ANKMY1: variants seen among roughly 807,000 people sequenced by gnomAD.
ANKMY1 encodes the protein ankyrin repeat and MYND domain-containing protein 1.
A neutral mutation model predicts 102.0 loss-of-function variants in ANKMY1; 98 were observed. That is an observed-to-expected ratio of 0.96 (90% CI 0.82 to 1.14). ANKMY1 has a LOEUF of 1.14. Ranked by LOEUF, ANKMY1 falls within the 50% of genes most tolerant of loss-of-function variation. The pLI is 0.00. For synonymous variants in ANKMY1, 582 were observed against 559.9 expected, an observed-to-expected ratio of 1.04 and a Z score of -0.56; for missense variants, 1,330 against 1,347.6, an observed-to-expected ratio of 0.99 and a Z score of 0.20.
chr2:240,472,319 C>T, the ANKMY1 span, among the ~76,000 whole-genome samples: 1 of 152,166 alleles, frequency 6.6e-6, no homozygotes, highest in Non-Finnish European at 1.5e-5. Flanking sequence ...TGAAGGAGCC[C>T]TGTGACCCAG....
chr2:240,483,035 C>G (rs996299048), intron 15 of ANKMY1, among the ~76,000 whole-genome samples: 6 of 152,134 alleles, frequency 3.9e-5, no homozygotes, highest in Admixed American at 3.3e-4. Flanking sequence ...CATAAAATGT[C>G]CCTCTTTCTC....
chr2:240,473,855 G>A, the ANKMY1 span, among the ~76,000 whole-genome samples: 1 of 151,938 alleles, frequency 6.6e-6, no homozygotes, highest in Non-Finnish European at 1.5e-5. Context: ...AGATACAGAA[G>A]GAATATACCT....
Position 240,526,356 on chromosome 2 carries a change from A to G in ANKMY1, c.1043T>C (p.Leu348Pro). The change falls in exon 6 of 18, where the codon CTT (leucine) becomes CCT (proline). Residue 348 changes from leucine to proline, a missense_variant. Coordinates refer to ENST00000401804, the MANE Select transcript of ANKMY1 (RefSeq NM_001282771.3). Reference sequence around the variant, plus strand: ...AGCCTTTAGGATCATCTCCATGGAAAGTTGCTCTTTGGGCCCACAGGGTGC... The same window carrying G: ...AGCCTTTAGGATCATCTCCATGGAAGGTTGCTCTTTGGGCCCACAGGGTGC... ...GFAPCGPKEQ[L>P]SMEMILKAEE... 2 of 1,614,200 alleles carry G rather than the reference A, an allele frequency of 1.2e-6. No individual in the cohort carries two copies. The highest frequency in any genetic ancestry group is 1.3e-5 in the African/African-American group (1 of 75,046).
chr2:240,510,798 C>T (rs952912120), intron 11 of ANKMY1, among the ~76,000 whole-genome samples: 1 of 152,190 alleles, frequency 6.6e-6, no homozygotes, highest in African/African-American at 2.4e-5. Context: ...TGTCCTGTAC[C>T]CAATGATAGT....
intron 7 of ANKMY1, among the ~76,000 whole-genome samples, chr2:240,525,476 G>A (rs1194052062): frequency 6.6e-6 from 1 of 152,172 alleles, no homozygotes; most frequent in Non-Finnish European, 1.5e-5. Flanking sequence ...TGCTATGCAG[G>A]AGATGAGTAA....
intron 4 of ANKMY1, among the ~76,000 whole-genome samples, chr2:240,551,776 G>C (rs998567371): frequency 6.6e-6 from 1 of 152,100 alleles, no homozygotes; most frequent in East Asian, 1.9e-4. Context: ...TTGAGGAACT[G>C]ATAAACAAAA....
rs868322568 is a variant in ANKMY1 at position 240,499,484 on chromosome 2, G to C, written c.2806+474C>G. Among the ~76,000 whole-genome samples, 2 of 151,862 alleles carry C rather than the reference G, an allele frequency of 1.3e-5. No individual in the cohort carries two copies. The highest frequency in any genetic ancestry group is 2.9e-5 in the Non-Finnish European group (2 of 67,926). On this transcript the variant is annotated intron_variant, in intron 15 of 17. Transcript: ENST00000401804. This position sits in a 1 kb window ranked among gnomAD's most constrained non-coding sequence, Gnocchi z 4.2. ...GTTGAGTACGTGGGTGTGGGTACAT[G>C]GGGGAGTAGATGTCAGTAGGTACTG...
At chr2:240,540,518 A>G (rs1057062321) in intron 4 of ANKMY1, among the ~76,000 whole-genome samples, 2 of 152,154 alleles carry the variant, frequency 1.3e-5, no homozygotes, top group Non-Finnish European at 1.5e-5. Flanking sequence ...ACTGCATCCA[A>G]TGAGACTCCA....
intron 4 of ANKMY1, chr2:240,532,123 C>T (rs1260811221): frequency 4.3e-6 from 2 of 467,962 alleles, no homozygotes; most frequent in Non-Finnish European, 8.9e-6. Context: ...CAAATGGAAA[C>T]ATCACATTGA....
At chr2:240,515,731 T>C (rs2081073168) in intron 9 of ANKMY1, among the ~76,000 whole-genome samples, 1 of 152,186 alleles carries the variant, frequency 6.6e-6, no homozygotes, top group African/African-American at 2.4e-5. Context: ...AGATAATTTT[T>C]TTTTGAGACT....
rs747196781 is a variant in ANKMY1 at position 240,482,226 on chromosome 2, CCTT to C, written c.2839_2841del (p.Lys947del). The C allele has an allele frequency of 8.7e-5, 141 of 1,612,858 alleles. No individual in the cohort carries two copies. The highest frequency in any genetic ancestry group is 2.3e-4 in the Admixed American group (14 of 59,824). On this transcript the variant is annotated inframe_deletion, in exon 16 of 18. Coordinates refer to ENST00000401804, the MANE Select transcript of ANKMY1 (RefSeq NM_001282771.3). Reference sequence around the variant, plus strand: ...TCCAGGCCCCTGGGCAGGCTGGGGCCCTTCTTCTTCATCCTGTGGCTGGGGATC... The same window carrying C: ...TCCAGGCCCCTGGGCAGGCTGGGGCCCTTCTTCATCCTGTGGCTGGGGATC...
In ANKMY1 at chr2:240,497,256, C is replaced by T. The variant is rs1306778739; in HGVS notation, c.2806+2702G>A. 3.9e-5 allele frequency among the ~76,000 whole-genome samples: 6 copies of T among 152,342 alleles called. No individual in the cohort carries two copies. In the East Asian group the frequency reaches 1.2e-3, roughly 29 times the overall value. On this transcript the variant is annotated intron_variant, in intron 15 of 17. Transcript: ENST00000401804. ...TGCCACCTCCTCCCCATCTTGGAAG[C>T]TGAGCATAAGAATGGTGCCGCCACC...
At chr2:240,476,234 A>G (rs758795335), downstream of ANKMY1, among the ~76,000 whole-genome samples, 7 of 152,244 alleles carry the variant, frequency 4.6e-5, no homozygotes, top group African/African-American at 9.6e-5. Context: ...CCAAGAATAT[A>G]CAATAGCAAA....
At chr2:240,510,781 G>A (rs1171067941) in intron 11 of ANKMY1, among the ~76,000 whole-genome samples, 1 of 111,328 alleles carries the variant, frequency 9.0e-6, no homozygotes. Flanking sequence ...AGTTCCACCT[G>A]CCAGTCTGTC....
intron 4 of ANKMY1, among the ~76,000 whole-genome samples, chr2:240,536,760 A>G (rs573203523): frequency 1.3e-5 from 2 of 152,278 alleles, no homozygotes; most frequent in Non-Finnish European, 2.9e-5. Flanking sequence ...TGGATCAGGC[A>G]GTTAATAAAA....
intron 17 of ANKMY1, among the ~76,000 whole-genome samples, chr2:240,480,106 C>T (rs1280341045): frequency 6.6e-6 from 1 of 152,184 alleles, no homozygotes; most frequent in Non-Finnish European, 1.5e-5. Flanking sequence ...GCAGGAGAAT[C>T]ACTGGAACCG....
chr2:240,532,926 T>C (rs898135340), intron 4 of ANKMY1, among the ~76,000 whole-genome samples: 1 of 152,260 alleles, frequency 6.6e-6, no homozygotes, highest in Non-Finnish European at 1.5e-5. Flanking sequence ...CAGGCTGGTC[T>C]TGAACCCCTG....
At chr2:240,511,617 G>A (rs549144203) in intron 11 of ANKMY1, among the ~76,000 whole-genome samples, 1 of 152,368 alleles carries the variant, frequency 6.6e-6, no homozygotes, top group Admixed American at 6.5e-5. Context: ...GTCTGACCAG[G>A]CCCTGTGGTA....
chr2:240,526,485 C>G (rs1344666073), intron 5 of ANKMY1, 40 bp from the exon 6 acceptor site: 6 of 1,612,126 alleles, frequency 3.7e-6, no homozygotes, highest in Non-Finnish European at 4.2e-6. Flanking sequence ...AGACCAGGTT[C>G]TGCACCTCCC....
Sources: gnomAD v4.1 joint callset for allele counts (sites outside exome capture counted in the v4.1 genomes callset) on GRCh38, gnomAD v4.1.1 for gene constraint, Gnocchi (gnomAD v3.1) non-coding constraint, MANE v1.5 for transcripts, NCBI Gene and HGNC (gene_info 2026-07-23, HGNC 2026-07-21) for gene names.